The following IMMP2L variants were observed in gnomAD, a reference collection of about 807,000 sequenced individuals.
IMMP2L encodes mitochondrial inner membrane protease subunit 2.
Under a neutral mutation model 19.3 loss-of-function variants are expected in IMMP2L, and 18 were observed. That is an observed-to-expected ratio of 0.93 (90% CI 0.64 to 1.38). IMMP2L has a LOEUF of 1.38. Ranked by LOEUF, IMMP2L falls within the 40% of genes most tolerant of loss-of-function variation. The pLI is 0.00. For synonymous variants in IMMP2L, 76 were observed against 73.0 expected (o/e 1.04, Z -0.21); for missense variants, 233 against 218.2 (o/e 1.07, Z -0.43).
intron 3 of IMMP2L, among the ~76,000 whole-genome samples, chr7:111,461,141 T>C (rs1840099984): frequency 1.3e-5 from 2 of 152,110 alleles, no homozygotes; most frequent in Non-Finnish European, 2.9e-5. Flanking sequence ...TTACAAATAA[T>C]TCTGTTAGGA....
At chr7:111,380,010 T>C (rs1359217920) in intron 3 of IMMP2L, among the ~76,000 whole-genome samples, 6 of 151,990 alleles carry the variant, frequency 3.9e-5, no homozygotes, top group Non-Finnish European at 8.8e-5. Flanking sequence ...TACTAGAAAA[T>C]AGTAAAATAG....
intron 3 of IMMP2L, among the ~76,000 whole-genome samples, chr7:111,290,859 T>C (rs201082188): frequency 9.1e-4 from 124 of 135,638 alleles, no homozygotes; most frequent in African/African-American, 2.7e-3. Context: ...CACACACACA[T>C]ATATATATAT....
chr7:111,453,687 T>G (rs1242084091), intron 3 of IMMP2L, among the ~76,000 whole-genome samples: 1 of 152,168 alleles, frequency 6.6e-6, no homozygotes, highest in Non-Finnish European at 1.5e-5. Flanking sequence ...AGGATGATTT[T>G]GGGAAGTCCA....
At chr7:111,370,468 C>T (rs1015458585) in intron 3 of IMMP2L, among the ~76,000 whole-genome samples, 2 of 151,982 alleles carry the variant, frequency 1.3e-5, no homozygotes, top group Admixed American at 6.6e-5. Context: ...AGGGAGATTA[C>T]ACAGAAAACG....
At chr7:111,105,915 C>A (rs1336385056) in intron 3 of IMMP2L, among the ~76,000 whole-genome samples, 1 of 151,904 alleles carries the variant, frequency 6.6e-6, no homozygotes, top group Admixed American at 6.6e-5. Context: ...TGTATCAAAT[C>A]TACGCATGAC....
At chr7:111,064,786 G>A (rs944039463) in intron 3 of IMMP2L, among the ~76,000 whole-genome samples, 9 of 152,156 alleles carry the variant, frequency 5.9e-5, no homozygotes, top group Non-Finnish European at 1.0e-4. Context: ...GTTGGCTTGG[G>A]TGATTGACCC....
At chr7:110,669,999 C>T (rs1791781928) in intron 5 of IMMP2L, among the ~76,000 whole-genome samples, 1 of 152,126 alleles carries the variant, frequency 6.6e-6, no homozygotes, top group Non-Finnish European at 1.5e-5. Context: ...TTGTTATGTG[C>T]TAAATTGTGT....
chr7:111,093,102 C>A (rs1001958312), intron 3 of IMMP2L, among the ~76,000 whole-genome samples: 1 of 152,114 alleles, frequency 6.6e-6, no homozygotes, highest in Non-Finnish European at 1.5e-5. Context: ...ATTCCAGTGA[C>A]CTTTGTAAAT....
rs144870673 is a variant in IMMP2L at position 111,387,672 on chromosome 7, T to C, written c.239+99566A>G. ...CTGTCATTCACATCTAGAATAATAA[T>C]TTTTTTTACAAAAACTAAAATACGG... On this transcript the variant is annotated intron_variant, in intron 3 of 5. Coordinates refer to ENST00000405709, the MANE Select transcript of IMMP2L (RefSeq NM_032549.4). Among the ~76,000 whole-genome samples the C allele has an allele frequency of 2.1e-3, 322 of 151,970 alleles. 5 individuals are homozygous for C. The highest frequency in any genetic ancestry group is 7.3e-3 in the African/African-American group (304 of 41,474).
intron 5 of IMMP2L, among the ~76,000 whole-genome samples, chr7:110,826,082 A>G (rs1229670619): frequency 6.6e-6 from 1 of 152,256 alleles, no homozygotes; most frequent in Non-Finnish European, 1.5e-5. Flanking sequence ...AGACACATGA[A>G]AAAATGCTCA....
chr7:111,559,863 C>T (rs1342124953), intron 1 of IMMP2L, among the ~76,000 whole-genome samples: 1 of 151,860 alleles, frequency 6.6e-6, no homozygotes. Context: ...AAAATAAGAG[C>T]CAGAAATCAA....
At chr7:110,904,864 T>C (rs946556295) in intron 4 of IMMP2L, among the ~76,000 whole-genome samples, 9 of 152,190 alleles carry the variant, frequency 5.9e-5, no homozygotes, top group African/African-American at 2.2e-4. Context: ...ATTAATATAA[T>C]CTCTATATCT....
intron 3 of IMMP2L, among the ~76,000 whole-genome samples, chr7:111,105,812 A>T (rs1208975633): frequency 6.6e-6 from 1 of 151,958 alleles, no homozygotes; most frequent in Admixed American, 6.6e-5. Context: ...GCCTATATCT[A>T]GTCACATGAA....
chr7:110,879,398 A>AC (rs1809412790), intron 5 of IMMP2L, among the ~76,000 whole-genome samples: 1 of 151,758 alleles, frequency 6.6e-6, no homozygotes, highest in Admixed American at 6.6e-5. Context: ...AAAAAAAAAA[A>AC]AGGAAGTATT....
intron 3 of IMMP2L, among the ~76,000 whole-genome samples, chr7:111,281,163 A>AC (rs1491106775): frequency 2.6e-4 from 6 of 22,854 alleles, no homozygotes; most frequent in African/African-American, 4.8e-4. Flanking sequence ...AGACAGAAAG[A>AC]AAGAAAGAAA....
intron 3 of IMMP2L, among the ~76,000 whole-genome samples, chr7:110,973,545 T>C (rs1315647096): frequency 1.3e-5 from 2 of 152,108 alleles, no homozygotes; most frequent in Non-Finnish European, 2.9e-5. Flanking sequence ...GGCTATAATT[T>C]CTCCGAAGAT....
At chr7:111,004,773 T>C (rs1474135173) in intron 3 of IMMP2L, among the ~76,000 whole-genome samples, 3 of 152,174 alleles carry the variant, frequency 2.0e-5, no homozygotes, top group Non-Finnish European at 4.4e-5. Flanking sequence ...CTGGGCATGA[T>C]TTTTCTGTTA....
At chr7:111,218,561 A>G (rs536645294) in intron 3 of IMMP2L, among the ~76,000 whole-genome samples, 5 of 152,070 alleles carry the variant, frequency 3.3e-5, no homozygotes, top group Non-Finnish European at 7.4e-5. Flanking sequence ...TCACAGAAAT[A>G]TCCAAGGCTA....
At chr7:110,714,508 T>G (rs1480271615) in intron 5 of IMMP2L, among the ~76,000 whole-genome samples, 3 of 152,198 alleles carry the variant, frequency 2.0e-5, no homozygotes, top group Non-Finnish European at 4.4e-5. Flanking sequence ...CTTTTTTTAA[T>G]AGTTTCAGTA....
Sources: gnomAD v4.1 joint callset for allele counts (sites outside exome capture counted in the v4.1 genomes callset) on GRCh38, gnomAD v4.1.1 for gene constraint, MANE v1.5 for transcripts, NCBI Gene and HGNC (gene_info 2026-07-23, HGNC 2026-07-21) for gene names.